Variants in ASNS observed in about 807,000 individuals in gnomAD.
The protein encoded by ASNS is asparagine synthetase [glutamine-hydrolyzing].
ASNS carries 37 observed loss-of-function variants against 62.6 expected under a neutral mutation model. That is an observed-to-expected ratio of 0.59 (90% CI 0.45 to 0.78). The LOEUF (loss-of-function observed/expected upper bound fraction) is 0.78. Ranked by LOEUF, ASNS falls within the 30% of genes least tolerant of loss-of-function variation. ASNS has a pLI of 0.00. For missense variants in ASNS, 520 were observed against 682.4 expected, an observed-to-expected ratio of 0.76 and a Z score of 2.65; for synonymous variants, 207 against 237.9, an observed-to-expected ratio of 0.87 and a Z score of 1.19.
intron 4 of ASNS, among the ~76,000 whole-genome samples, chr7:97,861,769 A>T (rs1791731021): frequency 6.6e-6 from 1 of 152,226 alleles, no homozygotes; most frequent in African/African-American, 2.4e-5. Context: ...CTGCCATCTT[A>T]ACAATGTTAA....
At chr7:97,867,254 C>A (rs1280875329) in intron 3 of ASNS, among the ~76,000 whole-genome samples, 1 of 135,720 alleles carries the variant, frequency 7.4e-6, no homozygotes, top group African/African-American at 2.5e-5. Context: ...TCCCAGTACA[C>A]CTCTGGCTGT....
At chr7:97,878,363 G>A in the ASNS span, among the ~76,000 whole-genome samples, 14 of 152,270 alleles carry the variant, frequency 9.2e-5, no homozygotes, top group East Asian at 5.8e-4. Flanking sequence ...TGAGAGAGTC[G>A]TGATCGATTG....
At chr7:97,914,151 CATGGATGGATGGATGGATGGATGG>C in the ASNS span, among the ~76,000 whole-genome samples, 8 of 125,170 alleles carry the variant, frequency 6.4e-5, no homozygotes, top group South Asian at 6.0e-4. Context: ...TGGATGGATG[CATGGATGGATGGATGGATGGATGG>C]ATGGATGGAT....
the ASNS span, among the ~76,000 whole-genome samples, chr7:97,889,441 C>T: frequency 1.3e-5 from 2 of 152,170 alleles, no homozygotes; most frequent in African/African-American, 2.4e-5. Context: ...TGCTTGAACC[C>T]GGGAGGCAGA....
the ASNS span, among the ~76,000 whole-genome samples, chr7:97,900,385 C>G: frequency 1.4e-5 from 1 of 69,390 alleles, no homozygotes. Flanking sequence ...AAAAAAAAAA[C>G]AGAAAATAAC....
the ASNS span, chr7:97,898,988 C>T: frequency 3.6e-5 from 27 of 744,432 alleles, no homozygotes; most frequent in Non-Finnish European, 6.6e-5. Context: ...CAAGTCTTTC[C>T]AATATTTCTT....
the ASNS span, among the ~76,000 whole-genome samples, chr7:97,902,480 G>A: frequency 7.2e-4 from 110 of 152,286 alleles, no homozygotes; most frequent in Non-Finnish European, 1.2e-3. Context: ...GGGAGGCCGA[G>A]ATGAGCAGAT....
At chr7:97,915,821 T>C in the ASNS span, among the ~76,000 whole-genome samples, 4 of 152,092 alleles carry the variant, frequency 2.6e-5, no homozygotes, top group African/African-American at 9.7e-5. Context: ...ATGTGGATAA[T>C]CACAGCACCG....
chr7:97,902,615 G>A, the ASNS span, among the ~76,000 whole-genome samples: 7 of 152,150 alleles, frequency 4.6e-5, no homozygotes, highest in Admixed American at 6.5e-5. Context: ...AGCTACTCGG[G>A]AGGGCTGAGG....
intron 6 of ASNS, 90 bp downstream of exon 6, chr7:97,858,764 A>C: frequency 1.7e-6 from 2 of 1,191,774 alleles, no homozygotes; most frequent in South Asian, 2.9e-5. Flanking sequence ...CATACAGTAA[A>C]TATTTTATAG....
chr7:97,925,744 G>T, the ASNS span, among the ~76,000 whole-genome samples: 23 of 152,158 alleles, frequency 1.5e-4, no homozygotes, highest in Admixed American at 1.2e-3. Flanking sequence ...GGATTTCAGG[G>T]ACTCCAGTGA....
intron 5 of ASNS, 117 bp downstream of exon 5, chr7:97,859,096 C>A: frequency 1.4e-6 from 2 of 1,432,830 alleles, no homozygotes; most frequent in Non-Finnish European, 9.5e-7. Context: ...TGTGTTCCCT[C>A]CAAACAAAAT....
the ASNS span, chr7:97,885,961 A>C: frequency 1.7e-6 from 1 of 595,660 alleles, no homozygotes; most frequent in South Asian, 1.5e-5. Context: ...TGCTCCTGGA[A>C]TGAGGCCGCC....
chr7:97,882,776 A>C, the ASNS span, among the ~76,000 whole-genome samples: 6 of 152,144 alleles, frequency 3.9e-5, no homozygotes, highest in Non-Finnish European at 5.9e-5. Context: ...TGTGTCACTC[A>C]AAGGAAAAAC....
Position 97,856,690 on chromosome 7 carries a change from C to A in ASNS, c.1030G>T (p.Gly344Cys), listed in dbSNP as rs1791454529. 1 of 1,597,880 alleles carries A rather than the reference C, an allele frequency of 6.3e-7. No individual in the cohort carries two copies. Among genetic ancestry groups the A allele is most frequent in the Non-Finnish European group, 8.5e-7 (1 of 1,173,696 alleles). Reference sequence around the variant, plus strand: ...ATTTAAGAATATCATAATACCTTACCTACTGAAGCACGAACTGTTGTAATG... The same window carrying A: ...ATTTAAGAATATCATAATACCTTACATACTGAAGCACGAACTGTTGTAATG... Reference protein sequence around the residue: ...YDITTVRASVGMYLISKYIRK... With the variant: ...YDITTVRASVCMYLISKYIRK... Residue 344 changes from glycine (G) to cysteine (C), a missense_variant and splice_region_variant, in exon 8 of 13, where the codon GGT becomes TGT. Physicochemically the swap from Gly to Cys is radical, Grantham distance 159 (BLOSUM62 -3). Coordinates refer to ENST00000394308, the MANE Select transcript of ASNS (RefSeq NM_001673.5).
chr7:97,889,884 T>A, the ASNS span, among the ~76,000 whole-genome samples: 1 of 72,874 alleles, frequency 1.4e-5, no homozygotes, highest in African/African-American at 5.1e-5. Flanking sequence ...ATAATGTTAT[T>A]AAAGAAACTC....
At position 97,859,313 on chromosome 7, in the gene ASNS, C is replaced by T; in HGVS notation, c.573G>A (p.Lys191=). Residue 191 remains lysine, a synonymous_variant, in exon 5 of 13, where the codon AAG becomes AAA. Coordinates refer to ENST00000394308, the MANE Select transcript of ASNS (RefSeq NM_001673.5). ...CCACGGATGCAACTTTGCCATTTGG[C>T]TTTAAATCCAAAACTTCATAGTGTC... ...LPGHYEVLDL[K]PNGKVASVEM... The T allele has an allele frequency of 6.2e-7, 1 of 1,614,078 alleles. No individual in the cohort carries two copies. Among genetic ancestry groups the T allele is most frequent in the Non-Finnish European group, 8.5e-7 (1 of 1,179,994 alleles).
chr7:97,852,671 T>C (rs1300919303), intron 12 of ASNS, among the ~76,000 whole-genome samples: 1 of 152,194 alleles, frequency 6.6e-6, no homozygotes, highest in East Asian at 1.9e-4. Context: ...ATATGCATAT[T>C]TTTAATACTT....
At chr7:97,854,955 TTTTA>T in intron 9 of ASNS, 1 of 435,132 alleles carries the variant, frequency 2.3e-6, no homozygotes, top group East Asian at 4.5e-5. Context: ...GCTTAAGTAG[TTTTA>T]TTTATTTATT....
Sources: gnomAD v4.1 joint callset for allele counts (sites outside exome capture counted in the v4.1 genomes callset) on GRCh38, gnomAD v4.1.1 for gene constraint, MANE v1.5 for transcripts, NCBI Gene and HGNC (gene_info 2026-07-23, HGNC 2026-07-21) for gene names.